Variants in CADM2 observed in about 807,000 individuals in gnomAD.
CADM2 encodes the protein cell adhesion molecule 2.
In CADM2, 12 loss-of-function variants were observed where a neutral mutation model predicts 49.8. The ratio of observed to expected loss-of-function variants is 0.24; its 90% confidence interval spans 0.15 to 0.39. The LOEUF is 0.39. CADM2 is among the 10% of genes least tolerant of loss of function. The pLI is 1.00. For missense variants in CADM2, 378 were observed against 492.3 expected, an observed-to-expected ratio of 0.77 and a Z score of 2.20; for synonymous variants, 214 against 175.4, an observed-to-expected ratio of 1.22 and a Z score of -1.74.
At chr3:85,732,898 C>T (rs969405086) in intron 2 of CADM2, among the ~76,000 whole-genome samples, 1 of 152,100 alleles carries the variant, frequency 6.6e-6, no homozygotes, top group Non-Finnish European at 1.5e-5. Context: ...TCTATTAAAT[C>T]CTCTAAAGAG....
chr3:85,669,615 GA>G (rs1392386009), intron 1 of CADM2, among the ~76,000 whole-genome samples: 1 of 152,064 alleles, frequency 6.6e-6, no homozygotes. Context: ...CACTTTCAAA[GA>G]AACAGAAATG....
At position 85,998,330 on chromosome 3, in the gene CADM2, T is replaced by C. The variant is rs533934205; in HGVS notation, c.970+36683T>C. ...GTTGATAGTTTTATGACATTTCTCG[T>C]AGTTACAATTTTGTCCTCTCTGGAA... is the stretch of plus-strand genomic sequence containing the variant. On this transcript the variant is annotated intron_variant, in intron 8 of 9. Coordinates refer to ENST00000383699, the MANE Select transcript of CADM2 (RefSeq NM_001167675.2). Among the ~76,000 whole-genome samples, 9 of 152,308 alleles carry C rather than the reference T, an allele frequency of 5.9e-5. 1 individual carries two copies. In the East Asian group the frequency reaches 1.7e-3, roughly 29 times the overall value.
chr3:85,218,003 T>C (rs1188440193), intron 1 of CADM2, among the ~76,000 whole-genome samples: 2 of 152,232 alleles, frequency 1.3e-5, no homozygotes, highest in East Asian at 3.9e-4. Flanking sequence ...AAATCAAACA[T>C]TTAAAAATAT....
At chr3:85,067,078 A>T (rs2036553373) in intron 1 of CADM2, among the ~76,000 whole-genome samples, 1 of 152,166 alleles carries the variant, frequency 6.6e-6, no homozygotes, top group South Asian at 2.1e-4. Flanking sequence ...AATTTTTGTT[A>T]AAAACACTCT....
At chr3:85,771,720 T>G (rs1260496376) in intron 2 of CADM2, among the ~76,000 whole-genome samples, 1 of 152,016 alleles carries the variant, frequency 6.6e-6, no homozygotes, top group African/African-American at 2.4e-5. Flanking sequence ...GGTCAGACAT[T>G]TATGACACAT....
rs1012330557 is a variant in CADM2, at chr3:86,070,773, A to G, written c.*3990A>G. 6.6e-6 allele frequency: 1 copy of G among 151,972 alleles called. No homozygotes were observed. The highest frequency in any genetic ancestry group is 1.5e-5 in the Non-Finnish European group (1 of 67,846). 9.4% of individuals were successfully genotyped at this position (151,972 alleles called of 1,614,324 possible). On this transcript the variant is annotated 3_prime_UTR_variant, in exon 10 of 10. Coordinates refer to ENST00000383699, the MANE Select transcript of CADM2 (RefSeq NM_001167675.2). Reference sequence around the variant, plus strand: ...AGGTAACTACAGTGTACGTACATGTAAGTATCTTGTACTTGCTGTGTATGG... The same window carrying G: ...AGGTAACTACAGTGTACGTACATGTGAGTATCTTGTACTTGCTGTGTATGG...
intron 1 of CADM2, among the ~76,000 whole-genome samples, chr3:85,284,214 A>G (rs929537128): frequency 2.0e-5 from 3 of 152,070 alleles, no homozygotes; most frequent in African/African-American, 7.2e-5. Context: ...TAGCTCTAAG[A>G]GTTTGAGGAT....
chr3:85,042,990 T>C (rs896365131), intron 1 of CADM2, among the ~76,000 whole-genome samples: 1 of 152,090 alleles, frequency 6.6e-6, no homozygotes, highest in Non-Finnish European at 1.5e-5. Context: ...TTATACTTTT[T>C]AGACAAAGAA....
intron 2 of CADM2, 36 bp from the exon 3 acceptor site, chr3:85,802,011 T>TAAAAAA: frequency 2.2e-6 from 3 of 1,392,222 alleles, no homozygotes; most frequent in South Asian, 1.7e-5. Flanking sequence ...TTTTATGACT[T>TAAAAAA]TCATTTAATC....
chr3:85,256,794 T>A (rs761704487), intron 1 of CADM2, among the ~76,000 whole-genome samples: 1 of 152,142 alleles, frequency 6.6e-6, no homozygotes, highest in Non-Finnish European at 1.5e-5. Context: ...TTTTCTGATA[T>A]TGAACTATTT....
intron 1 of CADM2, among the ~76,000 whole-genome samples, chr3:85,723,442 G>A (rs1040742992): frequency 9.9e-5 from 15 of 152,082 alleles, no homozygotes; most frequent in Admixed American, 9.2e-4. Context: ...AATCTTACAA[G>A]TATTGAACAT....
chr3:85,772,161 A>G (rs558470277), intron 2 of CADM2, among the ~76,000 whole-genome samples: 4 of 152,106 alleles, frequency 2.6e-5, no homozygotes, highest in African/African-American at 9.6e-5. Context: ...TTTATGAAAC[A>G]TAAAACAAGT....
chr3:85,093,256 C>T (rs1029889060), intron 1 of CADM2, among the ~76,000 whole-genome samples: 5 of 152,042 alleles, frequency 3.3e-5, no homozygotes, highest in African/African-American at 1.2e-4. Context: ...TGTGGTGGCT[C>T]ACGCTTGTAA....
rs538672647 is a variant in CADM2 at position 85,630,476 on chromosome 3, A to G, written c.62-96046A>G. The stretch of plus-strand genomic sequence containing the variant: ...AGAAACAACTGCTTCTCAGGATAAC[A>G]ATTCTCAAATATTCAGGTATATAAA... On this transcript the variant is annotated intron_variant, in intron 1 of 9. Transcript: ENST00000383699. Among the ~76,000 whole-genome samples the G allele has an allele frequency of 4.6e-5, 7 of 152,156 alleles. No individual in the cohort carries two copies. The South Asian group carries it at 1.5e-3, about 32-fold the overall frequency.
intron 1 of CADM2, among the ~76,000 whole-genome samples, chr3:85,513,639 A>C (rs1400219430): frequency 6.6e-6 from 1 of 151,986 alleles, no homozygotes; most frequent in East Asian, 1.9e-4. Flanking sequence ...ATTTTCCTTT[A>C]AATAAAGAGT....
chr3:85,833,567 G>T (rs566084708), intron 3 of CADM2, among the ~76,000 whole-genome samples: 20 of 151,700 alleles, frequency 1.3e-4, no homozygotes, highest in South Asian at 1.0e-3. Context: ...TTGTGAGGTT[G>T]TGTGTTTCCA....
Position 85,081,221 on chromosome 3 carries a change from G to A in CADM2, c.61+121553G>A, listed in dbSNP as rs1056657728. On this transcript the variant is annotated intron_variant, in intron 1 of 9. Transcript: ENST00000383699. ...CAGTCATTGATGTTCCTGTTAAGTT[G>A]GTGTCTGTTTCATCAGACAAATACG... Among the ~76,000 whole-genome samples the A allele has an allele frequency of 2.0e-5, 3 of 151,944 alleles. No homozygotes were observed. The East Asian group carries it at 5.8e-4, about 29-fold the overall frequency.
intron 1 of CADM2, among the ~76,000 whole-genome samples, chr3:85,347,431 T>C (rs2030799558): frequency 1.6e-5 from 2 of 121,688 alleles, no homozygotes; most frequent in Non-Finnish European, 3.6e-5. Flanking sequence ...GCATTGAATA[T>C]AGCCAATTTT....
chr3:85,515,633 T>TA (rs1450614692), intron 1 of CADM2, among the ~76,000 whole-genome samples: 38 of 121,786 alleles, frequency 3.1e-4, no homozygotes, highest in African/African-American at 1.4e-3. Context: ...ATATATATAT[T>TA]TTTTTTTTTT....
Sources: gnomAD v4.1 joint callset for allele counts (sites outside exome capture counted in the v4.1 genomes callset) on GRCh38, gnomAD v4.1.1 for gene constraint, MANE v1.5 for transcripts, NCBI Gene and HGNC (gene_info 2026-07-23, HGNC 2026-07-21) for gene names.